Variants in DLC1 observed in about 807,000 individuals in gnomAD.
DLC1 encodes the protein DLC1 Rho GTPase activating protein.
A neutral mutation model predicts 140.3 loss-of-function variants in DLC1; 54 were observed. The ratio of observed to expected loss-of-function variants is 0.38; its 90% CI spans 0.31 to 0.48. The LOEUF (loss-of-function observed/expected upper bound fraction) is 0.48. Ranked by LOEUF, DLC1 falls within the 20% of genes least tolerant of loss-of-function variation. The pLI is 0.96. For missense variants in DLC1, 2,536 were observed against 1,907.0 expected (o/e 1.33, Z -6.14); for synonymous variants, 986 against 728.1 (o/e 1.35, Z -5.70).
chr8:13,547,258 A>C (rs1803683606), intron 1 of DLC1, among the ~76,000 whole-genome samples: 1 of 152,086 alleles, frequency 6.6e-6, no homozygotes, highest in African/African-American at 2.4e-5. Flanking sequence ...ATTATTACTG[A>C]AAAATTATTA....
intron 2 of DLC1, among the ~76,000 whole-genome samples, chr8:13,464,408 A>T (rs559257492): frequency 6.6e-6 from 1 of 152,328 alleles, no homozygotes; most frequent in South Asian, 2.1e-4. Context: ...CAAAAATAAC[A>T]ATTTAAAGAA....
At chr8:13,179,118 A>G (rs548080556) in intron 5 of DLC1, among the ~76,000 whole-genome samples, 11 of 152,336 alleles carry the variant, frequency 7.2e-5, no homozygotes, top group Admixed American at 4.6e-4. Flanking sequence ...TCAACTTTGC[A>G]AAATAATTTG....
chr8:13,466,861 C>G (rs541400727), intron 2 of DLC1, among the ~76,000 whole-genome samples: 1 of 151,796 alleles, frequency 6.6e-6, no homozygotes, highest in Non-Finnish European at 1.5e-5. Context: ...AATGAGGTAC[C>G]GTTTTACACC....
chr8:13,485,758 G>A (rs1800942282), intron 2 of DLC1, among the ~76,000 whole-genome samples: 1 of 152,124 alleles, frequency 6.6e-6, no homozygotes, highest in African/African-American at 2.4e-5. Context: ...TGAAGATTTA[G>A]GATTCCAATA....
intron 5 of DLC1, chr8:13,304,527 A>C (rs933309785): frequency 4.9e-6 from 2 of 409,780 alleles, no homozygotes; most frequent in African/African-American, 4.3e-5. Context: ...TTGAAATTTT[A>C]ATATTTTCTC....
chr8:13,501,074 C>G (rs185577480), intron 1 of DLC1, among the ~76,000 whole-genome samples: 1 of 152,124 alleles, frequency 6.6e-6, no homozygotes, highest in Non-Finnish European at 1.5e-5. Flanking sequence ...TATGTGTAAA[C>G]TCTAAATATT....
chr8:13,314,258 ATAT>A (rs1199324499), intron 4 of DLC1, among the ~76,000 whole-genome samples: 1 of 148,396 alleles, frequency 6.7e-6, no homozygotes, highest in Non-Finnish European at 1.5e-5. Context: ...ATGTGTATAC[ATAT>A]TATATATGTA....
intron 1 of DLC1, chr8:13,567,719 G>T: frequency 6.4e-7 from 1 of 1,551,840 alleles, no homozygotes. Flanking sequence ...TTTCTCACCC[G>T]TATTGGAGAA....
intron 5 of DLC1, among the ~76,000 whole-genome samples, chr8:13,204,610 TA>T (rs1174302399): frequency 6.6e-6 from 1 of 152,230 alleles, no homozygotes; most frequent in African/African-American, 2.4e-5. Flanking sequence ...TTTATTGAGC[TA>T]AAGTCATGGC....
intron 2 of DLC1, among the ~76,000 whole-genome samples, chr8:13,450,715 A>T (rs1346476422): frequency 6.6e-6 from 1 of 152,142 alleles, no homozygotes; most frequent in Admixed American, 6.5e-5. Flanking sequence ...CCATCAACAT[A>T]GTTCTCCAAA....
chr8:13,165,596 T>G (rs1825052053), intron 5 of DLC1, among the ~76,000 whole-genome samples: 1 of 152,230 alleles, frequency 6.6e-6, no homozygotes. Context: ...GCTATAGCTC[T>G]TTTGGAAAGA....
At chr8:13,544,477 C>CT (rs1414922030) in intron 1 of DLC1, among the ~76,000 whole-genome samples, 1 of 152,042 alleles carries the variant, frequency 6.6e-6, no homozygotes, top group East Asian at 1.9e-4. Context: ...AGAAAATGAA[C>CT]TTTAGTGAGA....
chr8:13,217,924 G>A (rs985699761), intron 5 of DLC1, among the ~76,000 whole-genome samples: 1 of 151,868 alleles, frequency 6.6e-6, no homozygotes, highest in African/African-American at 2.4e-5. Context: ...TCAAGGGCTT[G>A]CGTCCTCTTT....
At chr8:13,325,222 G>A (rs922393624) in intron 4 of DLC1, among the ~76,000 whole-genome samples, 2 of 152,182 alleles carry the variant, frequency 1.3e-5, no homozygotes, top group African/African-American at 4.8e-5. Context: ...GGTTTATTCA[G>A]AGCTCTGGAG....
intron 17 of DLC1, 85 bp downstream of exon 17, chr8:13,086,205 G>C (rs1283676117): frequency 1.3e-6 from 2 of 1,512,820 alleles, no homozygotes; most frequent in African/African-American, 1.4e-5. Flanking sequence ...TGACGTGTTT[G>C]TTTAAGGCAT....
At chr8:13,371,293 G>C (rs1835714923) in intron 4 of DLC1, among the ~76,000 whole-genome samples, 1 of 152,046 alleles carries the variant, frequency 6.6e-6, no homozygotes, top group South Asian at 2.1e-4. Flanking sequence ...CTTCAAAATT[G>C]TCTCCCTCCC....
intron 5 of DLC1, among the ~76,000 whole-genome samples, chr8:13,195,959 A>C (rs1196561758): frequency 6.6e-6 from 1 of 152,220 alleles, no homozygotes; most frequent in African/African-American, 2.4e-5. Context: ...TAACAAAATA[A>C]AGGATAATTC....
At chr8:13,265,860 GC>G (rs1227434991) in intron 5 of DLC1, among the ~76,000 whole-genome samples, 1 of 152,102 alleles carries the variant, frequency 6.6e-6, no homozygotes, top group Non-Finnish European at 1.5e-5. Flanking sequence ...CTTCGGGTAT[GC>G]ACAGGGTGGT....
At chr8:13,165,343 T>C (rs954215984) in intron 5 of DLC1, among the ~76,000 whole-genome samples, 3 of 152,124 alleles carry the variant, frequency 2.0e-5, no homozygotes, top group Non-Finnish European at 4.4e-5. Context: ...AGAAAGGGAA[T>C]AAGTAGGCAA....
Sources: allele counts gnomAD v4.1 joint callset (sites outside exome capture counted in the v4.1 genomes callset), GRCh38; gene constraint gnomAD v4.1.1; transcripts MANE v1.5; gene names NCBI Gene and HGNC (gene_info 2026-07-23, HGNC 2026-07-21).